Variants in EMSY observed in about 807,000 individuals in gnomAD.
The protein encoded by EMSY is BRCA2-interacting transcriptional repressor EMSY.
EMSY carries 26 observed loss-of-function variants against 134.6 expected under a neutral mutation model. The ratio of observed to expected loss-of-function variants is 0.19; its 90% CI spans 0.14 to 0.27. EMSY has a LOEUF of 0.27. Ranked by LOEUF, EMSY falls within the 10% of genes least tolerant of loss-of-function variation. The pLI, the probability that EMSY is intolerant of heterozygous loss-of-function variation, is 1.00. For missense variants in EMSY, 1,305 were observed against 1,611.4 expected (o/e 0.81, Z 3.26); for synonymous variants, 579 against 577.8 (o/e 1.00, Z -0.03).
At chr11:76,452,448 T>C (rs1371502135) in intron 3 of EMSY, among the ~76,000 whole-genome samples, 2 of 152,212 alleles carry the variant, frequency 1.3e-5, no homozygotes, top group Non-Finnish European at 2.9e-5. Flanking sequence ...AACATTAATA[T>C]AGGGATGTTA....
intron 8 of EMSY, among the ~76,000 whole-genome samples, chr11:76,480,945 G>A (rs1948953823): frequency 6.6e-6 from 1 of 152,234 alleles, no homozygotes; most frequent in Non-Finnish European, 1.5e-5. Context: ...TCCTTCGGGT[G>A]CCTATGCCAC....
chr11:76,477,095 T>A (rs1215291172), intron 8 of EMSY, among the ~76,000 whole-genome samples: 1 of 152,006 alleles, frequency 6.6e-6, no homozygotes, highest in Non-Finnish European at 1.5e-5. Flanking sequence ...TAATGTATTG[T>A]ATAATACATA....
At chr11:76,503,032 G>A (rs966798217) in intron 9 of EMSY, among the ~76,000 whole-genome samples, 4 of 152,058 alleles carry the variant, frequency 2.6e-5, no homozygotes, top group African/African-American at 9.7e-5. Flanking sequence ...CCAGCATGGT[G>A]GCTCCTCCCG....
At chr11:76,544,319 G>A (rs746049478) in exon 19 of EMSY, 7 of 1,614,058 alleles carry the variant, frequency 4.3e-6, no homozygotes, top group Middle Eastern at 1.6e-4. Context: ...TGAGGAGGGC[G>A]AGGTTGAAGA....
exon 9 of EMSY, chr11:76,496,466 T>G (rs781687004): frequency 2.5e-6 from 4 of 1,613,798 alleles, no homozygotes; most frequent in Non-Finnish European, 3.4e-6. Flanking sequence ...CAAACAGGAG[T>G]CAGGTAACTG....
At chr11:76,474,243 C>A (rs1018713973) in intron 8 of EMSY, among the ~76,000 whole-genome samples, 2 of 151,978 alleles carry the variant, frequency 1.3e-5, no homozygotes, top group Non-Finnish European at 2.9e-5. Flanking sequence ...CAGAAATGTC[C>A]TTTTTTTAGT....
intron 8 of EMSY, among the ~76,000 whole-genome samples, chr11:76,480,202 A>G (rs1471011751): frequency 1.3e-5 from 2 of 152,226 alleles, no homozygotes; most frequent in African/African-American, 4.8e-5. Flanking sequence ...GACAGCTAAT[A>G]CAGGAATTAA....
chr11:76,528,453 C>G, exon 14 of EMSY: 1 of 1,602,710 alleles, frequency 6.2e-7, no homozygotes. Context: ...CAGAGTCCTC[C>G]CAGAGTTCCC....
chr11:76,550,496 A>C (rs1397190165), exon 21 of EMSY: 3 of 173,324 alleles, frequency 1.7e-5, no homozygotes, highest in Non-Finnish European at 3.6e-5. Flanking sequence ...TCTACTGAGC[A>C]AAATACCATC....
chr11:76,483,717 C>T (rs1301143707), intron 8 of EMSY, among the ~76,000 whole-genome samples: 2 of 152,170 alleles, frequency 1.3e-5, no homozygotes, highest in Non-Finnish European at 2.9e-5. Context: ...AATATATATG[C>T]ACCCAATACA....
At chr11:76,509,929 C>T (rs865905943) in intron 9 of EMSY, among the ~76,000 whole-genome samples, 1 of 152,230 alleles carries the variant, frequency 6.6e-6, no homozygotes, top group Admixed American at 6.5e-5. Flanking sequence ...TGCAGTGGCT[C>T]ATGCCTATAA....
At chr11:76,462,923 G>A (rs1429460114) in intron 6 of EMSY, among the ~76,000 whole-genome samples, 1 of 152,210 alleles carries the variant, frequency 6.6e-6, no homozygotes, top group Non-Finnish European at 1.5e-5. Context: ...ATTGAGGGTA[G>A]ATAGAAGTGG....
At chr11:76,472,341 T>C (rs181918903) in intron 7 of EMSY, among the ~76,000 whole-genome samples, 7 of 152,336 alleles carry the variant, frequency 4.6e-5, no homozygotes, top group African/African-American at 1.4e-4. Flanking sequence ...ACAGCGTTGA[T>C]GTTATCTTTT....
At chr11:76,480,571 T>G (rs550141772) in intron 8 of EMSY, among the ~76,000 whole-genome samples, 1 of 152,318 alleles carries the variant, frequency 6.6e-6, no homozygotes, top group Admixed American at 6.5e-5. Context: ...GGCCAAGGTA[T>G]CCTTAGACCA....
intron 9 of EMSY, among the ~76,000 whole-genome samples, chr11:76,500,388 AGG>A: frequency 6.6e-6 from 1 of 152,346 alleles, no homozygotes; most frequent in Non-Finnish European, 1.5e-5. Flanking sequence ...TTCAAGACTA[AGG>A]GCATTCTCAA....
chr11:76,547,541 A>T (rs904679486), intron 20 of EMSY, among the ~76,000 whole-genome samples: 1 of 152,202 alleles, frequency 6.6e-6, no homozygotes, highest in African/African-American at 2.4e-5. Flanking sequence ...AGGCTACTTA[A>T]CGTCATTTTG....
chr11:76,549,847 C>T (rs1951783570), intron 20 of EMSY, 105 bp from the exon 22 acceptor site: 1 of 1,069,246 alleles, frequency 9.4e-7, no homozygotes, highest in South Asian at 1.7e-5. Context: ...GTCCAGTTGT[C>T]CAAAAAATGT....
chr11:76,451,839 A>C lies in EMSY; in HGVS notation c.71-19A>C. The C allele has an allele frequency of 6.6e-7, 1 of 1,525,158 alleles. No individual in the cohort carries two copies. Among genetic ancestry groups the C allele is most frequent in the Non-Finnish European group, 8.8e-7 (1 of 1,133,080 alleles). 94.5% of individuals were successfully genotyped at this position (1,525,158 alleles called of 1,614,324 possible). On this transcript the variant is annotated intron_variant, in intron 2 of 20. Coordinates refer to ENST00000334736, the Ensembl canonical transcript of EMSY. ...AAATATTAAAGGCCTATCTTGATAA[A>C]ATAATTTTCTTCTTTTAGAATTGGA... is the stretch of plus-strand genomic sequence containing the variant.
intron 9 of EMSY, among the ~76,000 whole-genome samples, chr11:76,500,189 A>G (rs1188703011): frequency 5.3e-5 from 8 of 152,178 alleles, no homozygotes; most frequent in Admixed American, 1.3e-4. Context: ...TTATCTTTCT[A>G]GTAAAAAAGG....
Sources: gnomAD v4.1 joint callset for allele counts (sites outside exome capture counted in the v4.1 genomes callset) on GRCh38, gnomAD v4.1.1 for gene constraint, MANE v1.5 for transcripts, NCBI Gene and HGNC (gene_info 2026-07-23, HGNC 2026-07-21) for gene names.